Variants in MLANA observed in about 807,000 individuals in gnomAD.
MLANA encodes melanoma antigen recognized by T-cells 1.
MLANA carries 21 observed loss-of-function variants against 15.7 expected under a neutral mutation model. The ratio of observed to expected loss-of-function variants is 1.33; its 90% CI spans 0.95 to 1.92. The LOEUF is 1.92. Ranked by LOEUF, MLANA falls within the 40% of genes most tolerant of loss-of-function variation. The pLI, the probability that MLANA is intolerant of heterozygous loss-of-function variation, is 0.00. For missense variants in MLANA, 164 were observed against 143.8 expected, an observed-to-expected ratio of 1.14 and a Z score of -0.72; for synonymous variants, 56 against 51.5, an observed-to-expected ratio of 1.09 and a Z score of -0.37.
chr9:5,893,688 A>G (rs1831812879), intron 2 of MLANA, among the ~76,000 whole-genome samples: 1 of 152,170 alleles, frequency 6.6e-6, no homozygotes, highest in South Asian at 2.1e-4. Flanking sequence ...TCTTTAAAAT[A>G]TACTTTTATG....
At chr9:5,903,832 T>G (rs965488405) in intron 3 of MLANA, among the ~76,000 whole-genome samples, 2 of 152,196 alleles carry the variant, frequency 1.3e-5, no homozygotes, top group Non-Finnish European at 1.5e-5. Flanking sequence ...TTCATTAGTG[T>G]TAGCATGGTA....
chr9:5,893,289 G>A (rs1293055725), intron 2 of MLANA, among the ~76,000 whole-genome samples: 2 of 152,162 alleles, frequency 1.3e-5, no homozygotes, highest in Non-Finnish European at 1.5e-5. Context: ...CTCTGTACGT[G>A]CTGGGTGGCA....
In MLANA at chr9:5,908,970, A is replaced by G. The variant is rs1373662997; in HGVS notation, c.*262A>G. On this transcript the variant is annotated 3_prime_UTR_variant, in exon 5 of 5. Transcript: ENST00000381477. The stretch of plus-strand genomic sequence containing the variant: ...TATCTGTGCCAGAGGTAATGTTAGT[A>G]AATCCATGGTGTTATTTTCTGAGAG... 2.4e-6 allele frequency: 1 copy of G among 409,900 alleles called. No individual in the cohort carries two copies. The highest frequency in any genetic ancestry group is 2.1e-5 in the African/African-American group (1 of 48,396). 25.4% of individuals were successfully genotyped at this position (409,900 alleles called of 1,614,324 possible).
intron 3 of MLANA, among the ~76,000 whole-genome samples, chr9:5,905,441 A>C (rs1259450788): frequency 6.6e-6 from 1 of 152,234 alleles, no homozygotes. Context: ...CTTTGTGGCA[A>C]TATCAAATTA....
Position 5,894,711 on chromosome 9 carries a change from C to G in MLANA, c.77+2160C>G, listed in dbSNP as rs577257941. On this transcript the variant is annotated intron_variant, in intron 2 of 4. Transcript: ENST00000381477. This position sits in a 1 kb window ranked among gnomAD's most constrained non-coding sequence, Gnocchi z 4.0. ...GTGAGCATTGCTGGGGTGATCCTGA[C>G]AGGAGCCAGAAGCACACTGGAAGGA... Among the ~76,000 whole-genome samples, 2 of 152,302 alleles carry G rather than the reference C, an allele frequency of 1.3e-5. No homozygotes were observed. Among genetic ancestry groups the G allele is most frequent in the East Asian group, 3.9e-4 (2 of 5,178 alleles).
chr9:5,902,568 A>G (rs1295506324), intron 3 of MLANA, among the ~76,000 whole-genome samples: 1 of 151,322 alleles, frequency 6.6e-6, no homozygotes, highest in Non-Finnish European at 1.5e-5. Flanking sequence ...GGGCTCAAGC[A>G]CTCCAATCCT....
chr9:5,907,116 T>A, intron 4 of MLANA, 118 bp downstream of exon 4: 1 of 539,792 alleles, frequency 1.9e-6, no homozygotes, highest in Non-Finnish European at 3.0e-6. Flanking sequence ...GCCACTGAAC[T>A]ATATACACCT....
At chr9:5,908,073 CTG>C (rs1251805549) in intron 4 of MLANA, among the ~76,000 whole-genome samples, 1 of 152,200 alleles carries the variant, frequency 6.6e-6, no homozygotes, top group Admixed American at 6.5e-5. Context: ...AGCCAAATTA[CTG>C]TGTTTGATTC....
Position 5,909,946 on chromosome 9 carries a change from G to C in MLANA, c.*1238G>C, listed in dbSNP as rs932368406. On this transcript the variant is annotated 3_prime_UTR_variant, in exon 5 of 5. Transcript: ENST00000381477. ...AGGCAGCTCATTTAAACTTTTTTTG[G>C]CTTTAATTCCTATTGCCATCCTGAG... The C allele has an allele frequency of 6.6e-6, 1 of 152,028 alleles. No homozygotes were observed. Among genetic ancestry groups the C allele is most frequent in the Non-Finnish European group, 1.5e-5 (1 of 67,990 alleles). The allele number at this position is 152,028 out of a possible 1,614,324, so 9.4% of individuals were successfully genotyped here.
chr9:5,904,283 T>C (rs576293729), intron 3 of MLANA, among the ~76,000 whole-genome samples: 7 of 152,368 alleles, frequency 4.6e-5, no homozygotes, highest in African/African-American at 1.7e-4. Flanking sequence ...AATTGGTGCA[T>C]TTAGACCATT....
intron 3 of MLANA, 47 bp from the exon 4 acceptor site, chr9:5,906,838 T>A: frequency 8.1e-7 from 1 of 1,239,624 alleles, no homozygotes; most frequent in South Asian, 1.5e-5. Flanking sequence ...TTTAATGGAT[T>A]CAGTTACTTC....
At chr9:5,906,466 C>T (rs536753915) in intron 3 of MLANA, among the ~76,000 whole-genome samples, 1 of 152,268 alleles carries the variant, frequency 6.6e-6, no homozygotes, top group South Asian at 2.1e-4. Context: ...TAAAGAACTT[C>T]AAAAGTTTCC....
At chr9:5,893,235 G>A (rs1405978299) in intron 2 of MLANA, among the ~76,000 whole-genome samples, 2 of 152,138 alleles carry the variant, frequency 1.3e-5, no homozygotes, top group African/African-American at 4.8e-5. Flanking sequence ...CCCAGAGGCT[G>A]CAGGGACATA....
chr9:5,902,590 C>T (rs768162441), intron 3 of MLANA, among the ~76,000 whole-genome samples: 4 of 151,928 alleles, frequency 2.6e-5, no homozygotes, highest in Non-Finnish European at 4.4e-5. Context: ...CTGGCTCAGC[C>T]TCCTGAGTAG....
intron 2 of MLANA, 76 bp downstream of exon 2, chr9:5,892,627 A>G: frequency 8.4e-7 from 1 of 1,184,354 alleles, no homozygotes; most frequent in Non-Finnish European, 1.2e-6. Flanking sequence ...CCACCAGTAC[A>G]TGCCTGCTCG....
At chr9:5,907,442 A>G (rs112158118) in intron 4 of MLANA, among the ~76,000 whole-genome samples, 157 of 152,382 alleles carry the variant, frequency 1.0e-3, no homozygotes, top group African/African-American at 3.6e-3. Context: ...ACATGGTGCT[A>G]TTGAACACTT....
chr9:5,903,744 A>G (rs1057119292), intron 3 of MLANA, among the ~76,000 whole-genome samples: 3 of 152,200 alleles, frequency 2.0e-5, no homozygotes, highest in Non-Finnish European at 2.9e-5. Flanking sequence ...CTTTATCGTT[A>G]TGTAATATCC....
chr9:5,905,608 T>G (rs762881212), intron 3 of MLANA, among the ~76,000 whole-genome samples: 29 of 152,224 alleles, frequency 1.9e-4, no homozygotes, highest in Non-Finnish European at 3.5e-4. Flanking sequence ...AAGCATTCCT[T>G]TATACTGACT....
intron 2 of MLANA, among the ~76,000 whole-genome samples, chr9:5,893,206 G>GT (rs1469689805): frequency 2.0e-5 from 3 of 152,202 alleles, no homozygotes; most frequent in Non-Finnish European, 4.4e-5. Context: ...TTCAGCAAAT[G>GT]TAAGTGCGGT....
Sources: allele counts gnomAD v4.1 joint callset (sites outside exome capture counted in the v4.1 genomes callset), GRCh38; gene constraint gnomAD v4.1.1; non-coding constraint Gnocchi (gnomAD v3.1); transcripts MANE v1.5; gene names NCBI Gene and HGNC (gene_info 2026-07-23, HGNC 2026-07-21).